IGSF11: variants seen among roughly 807,000 people sequenced by gnomAD.
The protein encoded by IGSF11 is CXADR like 1.
IGSF11 carries 22 observed loss-of-function variants against 41.0 expected under a neutral mutation model. The observed-to-expected ratio is 0.54, with a 90% CI of 0.38 to 0.77. IGSF11 has a LOEUF of 0.77. IGSF11 is among the 30% of genes least tolerant of loss of function. IGSF11 has a pLI of 0.00. For synonymous variants in IGSF11, 219 were observed against 201.3 expected, an observed-to-expected ratio of 1.09 and a Z score of -0.74; for missense variants, 444 against 530.8, an observed-to-expected ratio of 0.84 and a Z score of 1.61.
chr3:119,030,598 A>C (rs576096598), intron 1 of IGSF11, among the ~76,000 whole-genome samples: 3 of 152,350 alleles, frequency 2.0e-5, no homozygotes, highest in African/African-American at 7.2e-5. Context: ...TTAACTAATA[A>C]GTAAACTAAT....
chr3:118,912,678 T>A (rs991397696), intron 4 of IGSF11, among the ~76,000 whole-genome samples: 1 of 152,100 alleles, frequency 6.6e-6, no homozygotes, highest in Non-Finnish European at 1.5e-5. Context: ...GAAAGGAATA[T>A]CACCATGAAG....
At chr3:119,090,710 C>A (rs575744157) in intron 1 of IGSF11, among the ~76,000 whole-genome samples, 5 of 152,146 alleles carry the variant, frequency 3.3e-5, no homozygotes, top group Non-Finnish European at 2.9e-5. Flanking sequence ...TGATGGCTAC[C>A]TTTCACCATA....
intron 1 of IGSF11, among the ~76,000 whole-genome samples, chr3:119,027,513 G>C (rs1939936627): frequency 6.6e-6 from 1 of 152,166 alleles, no homozygotes; most frequent in Non-Finnish European, 1.5e-5. Flanking sequence ...AAATGTGAAA[G>C]TGCCACTTCT....
chr3:119,139,534 A>C (rs1377902666), intron 1 of IGSF11, among the ~76,000 whole-genome samples: 1 of 152,180 alleles, frequency 6.6e-6, no homozygotes, highest in African/African-American at 2.4e-5. Flanking sequence ...GTTTCCCTGC[A>C]CAAGCTCTCT....
chr3:119,101,209 T>G (rs1273065883), intron 1 of IGSF11, among the ~76,000 whole-genome samples: 1 of 152,206 alleles, frequency 6.6e-6, no homozygotes, highest in African/African-American at 2.4e-5. Flanking sequence ...TAAAAAATGT[T>G]ATTTTAAAAA....
chr3:119,104,698 C>G (rs940416543), intron 1 of IGSF11, among the ~76,000 whole-genome samples: 3 of 152,130 alleles, frequency 2.0e-5, no homozygotes, highest in Non-Finnish European at 4.4e-5. Context: ...AACTCCAGCA[C>G]TCCAAAGGCC....
At chr3:119,081,555 C>T (rs1261230604) in intron 1 of IGSF11, among the ~76,000 whole-genome samples, 8 of 152,094 alleles carry the variant, frequency 5.3e-5, no homozygotes, top group East Asian at 1.9e-4. Context: ...TTTTAAAAAG[C>T]GTTTCTTTTC....
At chr3:119,102,086 G>C (rs2076948090) in intron 1 of IGSF11, among the ~76,000 whole-genome samples, 1 of 152,012 alleles carries the variant, frequency 6.6e-6, no homozygotes, top group Non-Finnish European at 1.5e-5. Context: ...TTATAAAACA[G>C]ATTCCTTTCT....
intron 3 of IGSF11, among the ~76,000 whole-genome samples, chr3:118,927,301 A>T (rs1483747960): frequency 1.3e-5 from 2 of 152,164 alleles, no homozygotes; most frequent in Non-Finnish European, 1.5e-5. Context: ...TCTTCTTTTT[A>T]AAAATGATGC....
intron 1 of IGSF11, among the ~76,000 whole-genome samples, chr3:118,980,542 G>T (rs956845606): frequency 6.6e-6 from 1 of 152,190 alleles, no homozygotes; most frequent in African/African-American, 2.4e-5. Context: ...GGGTGGAAGT[G>T]AGATAAAGAG....
chr3:119,091,606 G>GA (rs1319950540), intron 1 of IGSF11, among the ~76,000 whole-genome samples: 1 of 151,402 alleles, frequency 6.6e-6, no homozygotes, highest in African/African-American at 2.4e-5. Flanking sequence ...TGGAGGAACA[G>GA]AAAAACTAAA....
chr3:118,935,301 C>CATATAT (rs10575505), intron 1 of IGSF11, among the ~76,000 whole-genome samples: 12 of 122,244 alleles, frequency 9.8e-5, no homozygotes, highest in Non-Finnish European at 1.9e-4. Context: ...GGTGTATATA[C>CATATAT]ATATATATAT....
intron 1 of IGSF11, among the ~76,000 whole-genome samples, chr3:119,054,350 A>G (rs571840139): frequency 8.5e-5 from 13 of 152,154 alleles, no homozygotes; most frequent in Non-Finnish European, 1.5e-4. Context: ...AAAGACAATA[A>G]TCCCATCAAA....
At chr3:119,048,356 A>C (rs1311232405) in intron 1 of IGSF11, among the ~76,000 whole-genome samples, 1 of 152,096 alleles carries the variant, frequency 6.6e-6, no homozygotes, top group Admixed American at 6.5e-5. Flanking sequence ...ACCATCAGAG[A>C]ATACTACAAA....
intron 1 of IGSF11, among the ~76,000 whole-genome samples, chr3:119,003,999 C>T (rs554461163): frequency 3.7e-4 from 56 of 152,024 alleles, no homozygotes; most frequent in South Asian, 1.5e-3. Flanking sequence ...GGGAGGATTC[C>T]CTCTTTTTTT....
chr3:118,940,553 CTG>C (rs1943605027), intron 1 of IGSF11, among the ~76,000 whole-genome samples: 1 of 152,016 alleles, frequency 6.6e-6, no homozygotes, highest in Admixed American at 6.6e-5. Context: ...GAGAGACAAA[CTG>C]TGACCATTAG....
chr3:118,970,243 T>C (rs575333418), intron 1 of IGSF11, among the ~76,000 whole-genome samples: 2 of 152,320 alleles, frequency 1.3e-5, no homozygotes, highest in Non-Finnish European at 1.5e-5. Context: ...GTAAGAGATA[T>C]GCTACGTTTG....
At chr3:119,081,238 T>G (rs2076581732) in intron 1 of IGSF11, among the ~76,000 whole-genome samples, 1 of 152,122 alleles carries the variant, frequency 6.6e-6, no homozygotes, top group South Asian at 2.1e-4. Context: ...ATTCTCCTAT[T>G]TCTGTCTTTC....
chr3:118,970,024 G>A (rs1933201570), intron 1 of IGSF11, among the ~76,000 whole-genome samples: 1 of 152,128 alleles, frequency 6.6e-6, no homozygotes, highest in Non-Finnish European at 1.5e-5. Flanking sequence ...CTTGCCATGG[G>A]AAATTTGCAA....
Sources: allele counts gnomAD v4.1 joint callset (sites outside exome capture counted in the v4.1 genomes callset), GRCh38; gene constraint gnomAD v4.1.1; transcripts MANE v1.5; gene names NCBI Gene and HGNC (gene_info 2026-07-23, HGNC 2026-07-21).